Variants in TSC22D1 observed in about 807,000 individuals in gnomAD.
TSC22D1 encodes TSC22 domain family protein 1.
TSC22D1 carries 9 observed loss-of-function variants against 74.2 expected under a neutral mutation model. The ratio of observed to expected loss-of-function variants is 0.12; its 90% confidence interval spans 0.07 to 0.21. TSC22D1 has a LOEUF of 0.21. Among genes scored for constraint, TSC22D1 ranks in the 10% least tolerant of loss-of-function variants. TSC22D1 has a pLI of 1.00. For missense variants in TSC22D1, 1,427 were observed against 1,304.7 expected (o/e 1.09, Z -1.44); for synonymous variants, 586 against 492.5 (o/e 1.19, Z -2.51).
intron 1 of TSC22D1, among the ~76,000 whole-genome samples, chr13:44,508,610 A>C (rs1289850693): frequency 6.6e-6 from 1 of 152,092 alleles, no homozygotes; most frequent in Non-Finnish European, 1.5e-5. Flanking sequence ...GGCACATTAG[A>C]CTATGTTGCC....
At chr13:44,436,218 T>C (rs1444910394) in intron 1 of TSC22D1, 123 bp from the exon 2 acceptor site, 3 of 1,154,112 alleles carry the variant, frequency 2.6e-6, no homozygotes, top group East Asian at 5.1e-5. Flanking sequence ...TTTAACACTA[T>C]GTAATGTATC....
intron 1 of TSC22D1, among the ~76,000 whole-genome samples, chr13:44,524,044 G>C (rs980723926): frequency 4.6e-5 from 7 of 152,070 alleles, no homozygotes; most frequent in Admixed American, 1.3e-4. Flanking sequence ...TATTTCCAGT[G>C]CATGAAATAC....
intron 1 of TSC22D1, among the ~76,000 whole-genome samples, chr13:44,529,088 T>G (rs1409425934): frequency 6.6e-6 from 1 of 152,094 alleles, no homozygotes; most frequent in African/African-American, 2.4e-5. Flanking sequence ...TAGCTCATTC[T>G]GTGAGGCCTT....
intron 1 of TSC22D1, among the ~76,000 whole-genome samples, chr13:44,490,404 T>G (rs1043662800): frequency 1.1e-4 from 17 of 151,816 alleles, no homozygotes; most frequent in Non-Finnish European, 2.4e-4. Flanking sequence ...TACCCATTAC[T>G]TTGTAATAAT....
intron 1 of TSC22D1, among the ~76,000 whole-genome samples, chr13:44,496,453 C>T (rs758765343): frequency 5.3e-5 from 8 of 151,998 alleles, no homozygotes; most frequent in South Asian, 4.2e-4. Context: ...GAGGCCGAGG[C>T]GGGTGGATCA....
At chr13:44,498,903 T>C (rs903168286) in intron 1 of TSC22D1, among the ~76,000 whole-genome samples, 18 of 152,226 alleles carry the variant, frequency 1.2e-4, no homozygotes, top group Non-Finnish European at 2.1e-4. Flanking sequence ...GAAAGAATAC[T>C]TTTTAATCCT....
intron 1 of TSC22D1, among the ~76,000 whole-genome samples, chr13:44,531,435 G>A (rs2138065070): frequency 6.6e-6 from 1 of 152,210 alleles, no homozygotes; most frequent in Non-Finnish European, 1.5e-5. Flanking sequence ...ATATGTCCTT[G>A]GCCAGGTCTT....
At chr13:44,462,189 T>C (rs1398882862) in intron 1 of TSC22D1, among the ~76,000 whole-genome samples, 6 of 152,210 alleles carry the variant, frequency 3.9e-5, no homozygotes, top group African/African-American at 1.2e-4. Context: ...GACTGGTGAC[T>C]CTGCGATTAC....
chr13:44,474,360 G>T, intron 1 of TSC22D1: 2 of 777,018 alleles, frequency 2.6e-6, no homozygotes, highest in Non-Finnish European at 3.1e-6. Context: ...AATTCCATCT[G>T]TCCCCTAAGG....
At chr13:44,504,790 C>T (rs1321641748) in intron 1 of TSC22D1, among the ~76,000 whole-genome samples, 1 of 152,160 alleles carries the variant, frequency 6.6e-6, no homozygotes, top group East Asian at 1.9e-4. Context: ...CACATATCAA[C>T]ATCAACAGCA....
At position 44,574,495 on chromosome 13, in the gene TSC22D1, G is replaced by C; in HGVS notation, c.1580C>G (p.Pro527Arg). The change falls in exon 1 of 3, where the codon CCA becomes CGA. Residue 527 changes from proline to arginine, a missense_variant. Transcript: ENST00000458659. ...LQQMDFGSTG[P>R]QSIPAVSIPQ... ...TATACTAACTGCTGGAATACTCTGT[G>C]GACCAGTGCTACCAAAATCCATCTG... 1 of 1,614,096 alleles carries C rather than the reference G, an allele frequency of 6.2e-7. No homozygotes were observed.
chr13:44,464,862 C>T (rs78656319), intron 1 of TSC22D1, among the ~76,000 whole-genome samples: 361 of 152,332 alleles, frequency 2.4e-3, no homozygotes, highest in African/African-American at 8.2e-3. Flanking sequence ...TTTGGAGCTC[C>T]ACTTCCTTCT....
chr13:44,559,081 A>T (rs1882868541), intron 1 of TSC22D1, among the ~76,000 whole-genome samples: 1 of 152,248 alleles, frequency 6.6e-6, no homozygotes, highest in African/African-American at 2.4e-5. Context: ...AACAGTTTAA[A>T]ACTCTTATTC....
chr13:44,485,234 A>C (rs1878374100), intron 1 of TSC22D1, among the ~76,000 whole-genome samples: 1 of 152,156 alleles, frequency 6.6e-6, no homozygotes, highest in South Asian at 2.1e-4. Flanking sequence ...AATAAAGTAC[A>C]AGTTTTCTGA....
chr13:44,537,489 C>G (rs1354957922), intron 1 of TSC22D1: 2 of 984,994 alleles, frequency 2.0e-6, no homozygotes, highest in Non-Finnish European at 2.4e-6. Context: ...TATAATCTCA[C>G]AGGCCACACA....
intron 1 of TSC22D1, among the ~76,000 whole-genome samples, chr13:44,473,213 G>C (rs953608826): frequency 6.6e-6 from 1 of 152,140 alleles, no homozygotes; most frequent in African/African-American, 2.4e-5. Context: ...TACAACTGGA[G>C]GCCAGGCACA....
intron 1 of TSC22D1, among the ~76,000 whole-genome samples, chr13:44,494,009 T>C (rs866902175): frequency 6.6e-5 from 10 of 152,010 alleles, no homozygotes; most frequent in Admixed American, 3.9e-4. Context: ...GGAGGGAAGA[T>C]TGCTTACGTC....
intron 1 of TSC22D1, among the ~76,000 whole-genome samples, chr13:44,475,685 T>C (rs1877871336): frequency 6.6e-6 from 1 of 152,066 alleles, no homozygotes; most frequent in African/African-American, 2.4e-5. Flanking sequence ...ATTTAAGAGA[T>C]ATAGATTAAA....
rs985200520 is a variant in TSC22D1 at position 44,574,821 on chromosome 13, G to C, written c.1254C>G (p.Pro418=). ...TGCAAGTCCATCTACCTTTTTTAAA[G>C]GGCTCAGAACTAGAATCTAACTTCA... ...RVVKLDSSSE[P]FKKGRWTCTE... is the part of the protein sequence containing the mutation. The change falls in exon 1 of 3, where the codon CCC becomes CCG. Residue 418 remains proline, a synonymous_variant. Transcript: ENST00000458659. The C allele has an allele frequency of 1.2e-6, 2 of 1,613,940 alleles. No homozygotes were observed. Among genetic ancestry groups the C allele is most frequent in the Admixed American group, 3.3e-5 (2 of 59,996 alleles).
Sources: allele counts gnomAD v4.1 joint callset (sites outside exome capture counted in the v4.1 genomes callset), GRCh38; gene constraint gnomAD v4.1.1; transcripts MANE v1.5; gene names NCBI Gene and HGNC (gene_info 2026-07-23, HGNC 2026-07-21).